The following ZNF318 variants were observed in gnomAD, a reference collection of about 807,000 sequenced individuals.
The protein encoded by ZNF318 is endocrine regulator.
Under a neutral mutation model 124.2 loss-of-function variants are expected in ZNF318, and 51 were observed. That is an observed-to-expected ratio of 0.41 (90% CI 0.33 to 0.52). The LOEUF is 0.52. Ranked by LOEUF, ZNF318 falls within the 20% of genes least tolerant of loss-of-function variation. The probability of loss-of-function intolerance (pLI) is 0.23; values close to 1 mark genes in which losing one functional copy is unlikely to be tolerated. For synonymous variants in ZNF318, 1,090 were observed against 1,040.7 expected (o/e 1.05, Z -0.91); for missense variants, 2,815 against 2,811.2 (o/e 1.00, Z -0.03).
At chr6:43,349,285 G>C (rs1779495551) in intron 5 of ZNF318, among the ~76,000 whole-genome samples, 1 of 152,070 alleles carries the variant, frequency 6.6e-6, no homozygotes, top group Admixed American at 6.5e-5. Context: ...TCTCTTCAGA[G>C]GGCTGAAGAA....
chr6:43,338,591 G>C lies in ZNF318; in HGVS notation c.5407C>G (p.Pro1803Ala), dbSNP rs754087473. 3.1e-6 allele frequency: 5 copies of C among 1,613,970 alleles called. No individual in the cohort carries two copies. In the East Asian group the frequency reaches 1.1e-4, roughly 36 times the overall value. ...AAATTAGAATCATCTATGCTGTGGGGTCCAATGCTGGTACTTACTCCCTCA... is the reference window on the plus strand; with the variant it reads ...AAATTAGAATCATCTATGCTGTGGGCTCCAATGCTGGTACTTACTCCCTCA... ...VDEGVSTSIG[P>A]HSIDDSNLNH... is the part of the protein sequence containing the mutation. Residue 1803 changes from proline (P) to alanine (A), a missense_variant, in exon 10 of 10, where the codon CCC becomes GCC. By Grantham distance (27) the Pro-to-Ala change is conservative. Transcript: ENST00000361428.
Position 43,369,510 on chromosome 6 carries a change from C to T in ZNF318, c.-145G>A. ...CGCGGGAGCAGCCCCCTCCCCTCGG[C>T]CCCGCGTCGCCCCGGGGGCCCGGCC... On this transcript the variant is annotated 5_prime_UTR_variant, in exon 1 of 10. Coordinates refer to ENST00000361428, the MANE Select transcript of ZNF318 (RefSeq NM_014345.3). 1 of 521,178 alleles carries T rather than the reference C, an allele frequency of 1.9e-6. No homozygotes were observed. The highest frequency in any genetic ancestry group is 2.5e-6 in the Non-Finnish European group (1 of 402,908). The allele number at this position is 521,178 out of a possible 1,614,324, so 32.3% of individuals were successfully genotyped here. A position where few individuals can be genotyped will look rare whatever the true frequency, so the allele number is the denominator to read the frequency against.
chr6:43,366,486 T>G (rs1466146228), intron 1 of ZNF318, among the ~76,000 whole-genome samples: 1 of 152,086 alleles, frequency 6.6e-6, no homozygotes, highest in East Asian at 1.9e-4. Flanking sequence ...AGGCCTTCCC[T>G]GACTACTCTC....
In ZNF318 at chr6:43,338,742, T is replaced by A; in HGVS notation, c.5256A>T (p.Arg1752Ser). Residue 1752 changes from arginine to serine, a missense_variant, in exon 10 of 10, where the codon AGA becomes AGT. Arg to Ser is a moderately radical substitution (Grantham distance 110, BLOSUM62 -1). Coordinates refer to ENST00000361428, the MANE Select transcript of ZNF318 (RefSeq NM_014345.3). ...TTTCCTTATCCTGGTTAACAGATTCTCTGAGGTGGATTTCTACCAACTTCT... is the reference window on the plus strand; with the variant it reads ...TTTCCTTATCCTGGTTAACAGATTCACTGAGGTGGATTTCTACCAACTTCT... The part of the protein sequence containing the change: ...ESQKLVEIHL[R>S]ESVNQDKESQ... 6.2e-7 allele frequency: 1 copy of A among 1,614,204 alleles called. No homozygotes were observed. The highest frequency in any genetic ancestry group is 8.5e-7 in the Non-Finnish European group (1 of 1,180,040).
In ZNF318 at chr6:43,355,047, T is replaced by C; in HGVS notation, c.2287A>G (p.Met763Val). The change falls in exon 4 of 10, where the codon ATG (methionine) becomes GTG (valine). Residue 763 changes from methionine (M) to valine (V), a missense_variant. Physicochemically the swap from Met to Val is conservative, Grantham distance 21. This residue lies in a region of ZNF318 where 1,377 missense variants were observed against 1,353.5 expected (regional missense o/e 1.02). Coordinates refer to ENST00000361428, the MANE Select transcript of ZNF318 (RefSeq NM_014345.3). ...GCAGCAAACTGAGAGGCCCTTGGCATGTGAAACTGAGATAAAGCAGCAGTG... is the reference window on the plus strand; with the variant it reads ...GCAGCAAACTGAGAGGCCCTTGGCACGTGAAACTGAGATAAAGCAGCAGTG... The part of the protein sequence containing the change: ...PHTAALSQFH[M>V]PRASQFAAAR... 1.2e-6 allele frequency: 2 copies of C among 1,614,032 alleles called. No individual in the cohort carries two copies. The highest frequency in any genetic ancestry group is 1.7e-6 in the Non-Finnish European group (2 of 1,179,918).
chr6:43,340,732 A>C, intron 9 of ZNF318, 58 bp downstream of exon 9: 1 of 1,548,420 alleles, frequency 6.5e-7, no homozygotes, highest in South Asian at 1.1e-5. Context: ...CATTTGACAA[A>C]GTCAAAATAA....
intron 2 of ZNF318, chr6:43,364,318 G>T: frequency 9.1e-5 from 20 of 219,966 alleles, no homozygotes; most frequent in Admixed American, 1.3e-4. Context: ...GAAATATAAA[G>T]TGAATTAAGC....
chr6:43,348,207 G>A, intron 6 of ZNF318, 117 bp downstream of exon 6: 1 of 1,068,682 alleles, frequency 9.4e-7, no homozygotes, highest in African/African-American at 1.6e-5. Flanking sequence ...TATACTGTAA[G>A]AAAATAATTA....
At position 43,369,015 on chromosome 6, in the gene ZNF318, G is replaced by A. The variant is rs1304375642; in HGVS notation, c.351C>T (p.Asp117=). The A allele has an allele frequency of 1.4e-6, 2 of 1,435,856 alleles. No individual in the cohort carries two copies. The highest frequency in any genetic ancestry group is 2.5e-5 in the Admixed American group (1 of 40,142). 88.9% of individuals were successfully genotyped at this position (1,435,856 alleles called of 1,614,324 possible). A position where few individuals can be genotyped will look rare whatever the true frequency, so the allele number is the denominator to read the frequency against. ...GGTCTCCGCGGCCGTCCCGGGCATA[G>A]TCGGCGCGGGACTCCCCCCGGCTGC... The part of the protein sequence containing the change: ...RGSSRGESRA[D]YARDGRGDHP... Residue 117 remains aspartate (D), a synonymous_variant, in exon 1 of 10, where the codon GAC becomes GAT. Coordinates refer to ENST00000361428, the MANE Select transcript of ZNF318 (RefSeq NM_014345.3).
rs1273016198 is a variant in ZNF318 at position 43,369,010 on chromosome 6, G to A, written c.356C>T (p.Ala119Val). 4 of 1,434,942 alleles carry A rather than the reference G, an allele frequency of 2.8e-6. No homozygotes were observed. Among genetic ancestry groups the A allele is most frequent in the South Asian group, 1.3e-5 (1 of 74,274 alleles). 88.9% of individuals were successfully genotyped at this position (1,434,942 alleles called of 1,614,324 possible). The change falls in exon 1 of 10, where the codon GCC becomes GTC. Residue 119 changes from alanine to valine, a missense_variant. Physicochemically the swap from Ala to Val is moderately conservative, Grantham distance 64 (BLOSUM62 0). Coordinates refer to ENST00000361428, the MANE Select transcript of ZNF318 (RefSeq NM_014345.3). ...SSRGESRADY[A>V]RDGRGDHPGD... ...TGGATGGTCTCCGCGGCCGTCCCGG[G>A]CATAGTCGGCGCGGGACTCCCCCCG...
At chr6:43,359,923 G>A (rs1316026405) in intron 2 of ZNF318, among the ~76,000 whole-genome samples, 1 of 152,184 alleles carries the variant, frequency 6.6e-6, no homozygotes, top group Non-Finnish European at 1.5e-5. Context: ...AAATCAAACT[G>A]AGGTAAAAAT....
intron 6 of ZNF318, among the ~76,000 whole-genome samples, chr6:43,346,543 A>G (rs58663541): frequency 4.7e-4 from 66 of 140,278 alleles, no homozygotes; most frequent in East Asian, 3.4e-3. Context: ...AAAAAAAAAA[A>G]AAGCAGCTCT....
At chr6:43,340,582 T>C in intron 9 of ZNF318, 80 bp from the exon 10 acceptor site, 1 of 1,495,968 alleles carries the variant, frequency 6.7e-7, no homozygotes. Flanking sequence ...CTGTTAGAAT[T>C]CATTTAGTAG....
Position 43,364,156 on chromosome 6 carries a change from C to T in ZNF318, c.548+1136G>A, listed in dbSNP as rs532818442. 1.5e-3 allele frequency: 1,446 copies of T among 996,030 alleles called. 24 individuals carry two copies. In the South Asian group the frequency reaches 0.019, roughly 13 times the overall value. The allele number at this position is 996,030 out of a possible 1,614,324, so 61.7% of individuals were successfully genotyped here. On this transcript the variant is annotated intron_variant, in intron 2 of 9. Transcript: ENST00000361428. ...CCTTTGATGCCATCTCTAAGACCTACAGCTACCTGACCCCCGACCTCTGGA... is the reference window on the plus strand; with the variant it reads ...CCTTTGATGCCATCTCTAAGACCTATAGCTACCTGACCCCCGACCTCTGGA...
intron 6 of ZNF318, among the ~76,000 whole-genome samples, chr6:43,348,107 T>G (rs375925132): frequency 1.3e-5 from 2 of 152,140 alleles, no homozygotes; most frequent in East Asian, 3.9e-4. Context: ...AACAAGAACA[T>G]AGAAGGTTCT....
rs779646759 is a variant in ZNF318, at chr6:43,355,472, C to T, written c.1862G>A (p.Gly621Asp). ...LAARTQERLH[G>D]KKPSLRSSAD... Reference sequence around the variant, plus strand: ...TGAGGAGCGTAATGATGGCTTCTTGCCATGAAGTCGTTCCTGGGTGCGTGC... The same window carrying T: ...TGAGGAGCGTAATGATGGCTTCTTGTCATGAAGTCGTTCCTGGGTGCGTGC... The change falls in exon 4 of 10, where the codon GGC becomes GAC. Residue 621 changes from glycine to aspartate, a missense_variant. Physicochemically the swap from Gly to Asp is moderately conservative, Grantham distance 94. This residue lies in a region of ZNF318 where 1,377 missense variants were observed against 1,353.5 expected (regional missense o/e 1.02). Transcript: ENST00000361428. 1 of 1,614,186 alleles carries T rather than the reference C, an allele frequency of 6.2e-7. No individual in the cohort carries two copies. The highest frequency in any genetic ancestry group is 8.5e-7 in the Non-Finnish European group (1 of 1,180,032).
At position 43,339,938 on chromosome 6, in the gene ZNF318, T is replaced by C. The variant is rs754513685; in HGVS notation, c.4060A>G (p.Ile1354Val). The change falls in exon 10 of 10, where the codon ATT (isoleucine) becomes GTT (valine). Residue 1354 changes from isoleucine to valine, a missense_variant. By Grantham distance (29) the Ile-to-Val change is conservative. Coordinates refer to ENST00000361428, the MANE Select transcript of ZNF318 (RefSeq NM_014345.3). The surrounding 1 kb of genome is among the most constrained non-coding windows in gnomAD (Gnocchi z 4.2). ...TQTKIRPNLPIPSTVLRKSCS... is the reference protein window; with the variant it reads ...TQTKIRPNLPVPSTVLRKSCS... ...GACTTGCGGAGTACTGTGGATGGAATAGGCAGGTTGGGTCGGATCTTAGTC... is the reference window on the plus strand; with the variant it reads ...GACTTGCGGAGTACTGTGGATGGAACAGGCAGGTTGGGTCGGATCTTAGTC... 10 of 1,614,030 alleles carry C rather than the reference T, an allele frequency of 6.2e-6. No individual in the cohort carries two copies. The highest frequency in any genetic ancestry group is 1.6e-4 in the Middle Eastern group (1 of 6,082).
At chr6:43,364,425 A>G (rs1779732459) in intron 2 of ZNF318, 1 of 226,664 alleles carries the variant, frequency 4.4e-6, no homozygotes, top group Admixed American at 5.9e-5. Flanking sequence ...ACTGGTCCTC[A>G]GACTTCCTGC....
chr6:43,348,565 T>A lies in ZNF318; in HGVS notation c.2831A>T (p.Glu944Val). Reference sequence around the variant, plus strand: ...AATGTTATCCTGAAGCCGACTCACCTCCACCAAGAGAGGATCTTTGTGGCC... The same window carrying A: ...AATGTTATCCTGAAGCCGACTCACCACCACCAAGAGAGGATCTTTGTGGCC... Reference protein sequence around the residue: ...KDGHKDPLLVEVSRLQDNIMK... With the variant: ...KDGHKDPLLVVVSRLQDNIMK... The change falls in exon 6 of 10, where the codon GAG becomes GTG. Residue 944 changes from glutamate (E) to valine (V), a missense_variant. Around this residue, in one of 4 missense-constraint regions of ZNF318, gnomAD observed 1,377 missense variants for 1,353.5 expected, o/e 1.02. Coordinates refer to ENST00000361428, the MANE Select transcript of ZNF318 (RefSeq NM_014345.3). The A allele has an allele frequency of 6.2e-7, 1 of 1,614,174 alleles. No homozygotes were observed. Among genetic ancestry groups the A allele is most frequent in the South Asian group, 1.1e-5 (1 of 91,082 alleles).
Sources: allele counts gnomAD v4.1 joint callset (sites outside exome capture counted in the v4.1 genomes callset), GRCh38; gene constraint gnomAD v4.1.1; regional missense constraint gnomAD v4.1.1; non-coding constraint Gnocchi (gnomAD v3.1); transcripts MANE v1.5; gene names NCBI Gene and HGNC (gene_info 2026-07-23, HGNC 2026-07-21).